The following DPP10 variants were observed in gnomAD, a reference collection of about 807,000 sequenced individuals.
DPP10 encodes the protein dipeptidyl peptidase like 10, also known as inactive dipeptidyl peptidase 10.
DPP10 carries 33 observed loss-of-function variants against 120.9 expected under a neutral mutation model. The observed-to-expected ratio is 0.27, with a 90% CI of 0.21 to 0.37. The LOEUF is 0.37. Among genes scored for constraint, DPP10 ranks in the 10% least tolerant of loss-of-function variants. DPP10 has a pLI of 1.00. For missense variants in DPP10, 816 were observed against 942.8 expected, an observed-to-expected ratio of 0.87 and a Z score of 1.76; for synonymous variants, 337 against 326.1, an observed-to-expected ratio of 1.03 and a Z score of -0.36.
intron 1 of DPP10, among the ~76,000 whole-genome samples, chr2:114,515,551 A>G (rs1684525461): frequency 6.6e-6 from 1 of 152,200 alleles, no homozygotes; most frequent in Non-Finnish European, 1.5e-5. Context: ...GATAGATAGA[A>G]AATAGTACAA....
chr2:115,158,439 C>T (rs555493987), intron 1 of DPP10, among the ~76,000 whole-genome samples: 14 of 152,058 alleles, frequency 9.2e-5, no homozygotes, highest in Non-Finnish European at 1.9e-4. Context: ...TTCAGAAACC[C>T]AAATGAATAT....
intron 1 of DPP10, among the ~76,000 whole-genome samples, chr2:114,771,031 G>A (rs1352865172): frequency 6.6e-6 from 1 of 152,158 alleles, no homozygotes; most frequent in Non-Finnish European, 1.5e-5. Context: ...TGATATAAAA[G>A]TCTAAACACT....
intron 3 of DPP10, among the ~76,000 whole-genome samples, chr2:115,425,458 A>G (rs2070368342): frequency 1.3e-5 from 2 of 152,276 alleles, no homozygotes; most frequent in South Asian, 2.1e-4. Context: ...TTCACTAGCA[A>G]TGACATTTCT....
intron 1 of DPP10, among the ~76,000 whole-genome samples, chr2:115,274,160 C>A (rs1274936313): frequency 6.6e-6 from 1 of 151,972 alleles, no homozygotes; most frequent in Non-Finnish European, 1.5e-5. Context: ...CAGTTATTGT[C>A]TAAATCATTC....
chr2:115,041,449 T>C (rs971128302), intron 1 of DPP10, among the ~76,000 whole-genome samples: 14 of 152,172 alleles, frequency 9.2e-5, no homozygotes, highest in African/African-American at 3.4e-4. Context: ...GGGTTCTTTG[T>C]CATTCTCCCT....
At chr2:115,598,939 A>C (rs998655352) in intron 5 of DPP10, among the ~76,000 whole-genome samples, 1 of 151,394 alleles carries the variant, frequency 6.6e-6, no homozygotes, top group Middle Eastern at 3.2e-3. Flanking sequence ...CACTCATTTT[A>C]AATTATGAGA....
At chr2:115,467,370 G>T (rs1204549895) in intron 3 of DPP10, among the ~76,000 whole-genome samples, 2 of 151,902 alleles carry the variant, frequency 1.3e-5, no homozygotes, top group Non-Finnish European at 2.9e-5. Flanking sequence ...GACCAGCCTG[G>T]TCAAGAGACC....
At chr2:115,470,693 A>T (rs941163635) in intron 3 of DPP10, among the ~76,000 whole-genome samples, 5 of 151,438 alleles carry the variant, frequency 3.3e-5, no homozygotes, top group South Asian at 4.2e-4. Context: ...TTTCTGCATA[A>T]TTTTTTTTTC....
At chr2:115,798,620 C>T (rs1311776178) in intron 19 of DPP10, among the ~76,000 whole-genome samples, 1 of 152,044 alleles carries the variant, frequency 6.6e-6, no homozygotes, top group African/African-American at 2.4e-5. Context: ...TATTTTTGAG[C>T]AACAAGTAAT....
intron 13 of DPP10, among the ~76,000 whole-genome samples, chr2:115,773,656 G>GA (rs1681742087): frequency 6.6e-6 from 1 of 152,028 alleles, no homozygotes; most frequent in South Asian, 2.1e-4. Context: ...TTATTGTAGA[G>GA]AAAAAATGCT....
At chr2:115,504,864 T>C (rs1233630193) in intron 4 of DPP10, among the ~76,000 whole-genome samples, 2 of 152,138 alleles carry the variant, frequency 1.3e-5, no homozygotes, top group South Asian at 2.1e-4. Context: ...CCTGGAAGTC[T>C]ACTCAGGCAC....
intron 5 of DPP10, among the ~76,000 whole-genome samples, chr2:115,638,785 A>T (rs2086553061): frequency 6.6e-6 from 1 of 152,184 alleles, no homozygotes; most frequent in South Asian, 2.1e-4. Context: ...TTGGTCAACA[A>T]AACAGGACTA....
intron 1 of DPP10, among the ~76,000 whole-genome samples, chr2:115,083,650 T>A: frequency 6.9e-6 from 1 of 145,434 alleles, no homozygotes; most frequent in South Asian, 2.2e-4. Flanking sequence ...ATTCTAAACT[T>A]AGCTGTCAAA....
At chr2:115,001,124 G>T (rs958902582) in intron 1 of DPP10, among the ~76,000 whole-genome samples, 2 of 152,050 alleles carry the variant, frequency 1.3e-5, no homozygotes, top group East Asian at 1.9e-4. Context: ...TCTTTGTATT[G>T]TCATTTCAAT....
intron 1 of DPP10, among the ~76,000 whole-genome samples, chr2:114,959,202 T>G (rs1175389544): frequency 1.3e-5 from 2 of 152,232 alleles, no homozygotes; most frequent in Non-Finnish European, 2.9e-5. Flanking sequence ...GTGATAAATT[T>G]ACATTTTATG....
chr2:114,669,101 G>T (rs1157785623), intron 1 of DPP10, among the ~76,000 whole-genome samples: 1 of 152,100 alleles, frequency 6.6e-6, no homozygotes, highest in African/African-American at 2.4e-5. Flanking sequence ...CATCAAGGTT[G>T]CATCTACTTT....
At chr2:114,490,860 A>G (rs937183468) in intron 1 of DPP10, among the ~76,000 whole-genome samples, 2 of 152,206 alleles carry the variant, frequency 1.3e-5, no homozygotes, top group Admixed American at 1.3e-4. Context: ...TGAATTTTAT[A>G]GAAGAGACAC....
intron 1 of DPP10, among the ~76,000 whole-genome samples, chr2:115,135,234 C>G (rs1212519386): frequency 1.4e-5 from 1 of 73,440 alleles, no homozygotes; most frequent in Non-Finnish European, 3.1e-5. Flanking sequence ...TGAAGTGGGG[C>G]CCTTGAGATA....
intron 1 of DPP10, among the ~76,000 whole-genome samples, chr2:114,784,820 A>G (rs1454923831): frequency 6.6e-6 from 1 of 150,812 alleles, no homozygotes; most frequent in East Asian, 1.9e-4. Context: ...GTTTCCAGTC[A>G]TTTGCTAACT....
Sources: gnomAD v4.1 joint callset for allele counts (sites outside exome capture counted in the v4.1 genomes callset) on GRCh38, gnomAD v4.1.1 for gene constraint, MANE v1.5 for transcripts, NCBI Gene and HGNC (gene_info 2026-07-23, HGNC 2026-07-21) for gene names.